Variants in EFNA5 observed in about 807,000 individuals in gnomAD.
The protein encoded by EFNA5 is ephrin A5, also known as ephrin-A5.
A neutral mutation model predicts 22.9 loss-of-function variants in EFNA5; 5 were observed. That is an observed-to-expected ratio of 0.22 (90% confidence interval 0.11 to 0.46). EFNA5 has a LOEUF of 0.46. EFNA5 is among the 20% of genes least tolerant of loss of function. The probability of loss-of-function intolerance (pLI) is 0.99; values close to 1 mark genes in which losing one functional copy is unlikely to be tolerated. For synonymous variants in EFNA5, 113 were observed against 112.2 expected (o/e 1.01, Z -0.04); for missense variants, 237 against 293.3 (o/e 0.81, Z 1.40).
intron 1 of EFNA5, among the ~76,000 whole-genome samples, chr5:107,475,014 G>A (rs1750244048): frequency 6.6e-6 from 1 of 152,186 alleles, no homozygotes; most frequent in Non-Finnish European, 1.5e-5. Context: ...TCCACAATAT[G>A]ACTGTGCTTT....
chr5:107,586,366 G>T (rs1369944702), intron 1 of EFNA5, among the ~76,000 whole-genome samples: 1 of 151,882 alleles, frequency 6.6e-6, no homozygotes, highest in Non-Finnish European at 1.5e-5. Flanking sequence ...CCCTAACTAG[G>T]GCTATTGAGT....
intron 1 of EFNA5, among the ~76,000 whole-genome samples, chr5:107,450,484 A>C (rs1749530973): frequency 6.6e-6 from 1 of 152,220 alleles, no homozygotes; most frequent in Non-Finnish European, 1.5e-5. Flanking sequence ...GCATGTGCAA[A>C]GCACTAATTC....
At chr5:107,424,876 A>T (rs1365384555) in intron 2 of EFNA5, among the ~76,000 whole-genome samples, 1 of 152,198 alleles carries the variant, frequency 6.6e-6, no homozygotes, top group African/African-American at 2.4e-5. Context: ...TACTAAAAAG[A>T]CAGGGAAGGA....
intron 1 of EFNA5, among the ~76,000 whole-genome samples, chr5:107,563,406 TTTTTA>T (rs1054344715): frequency 7.2e-5 from 11 of 152,132 alleles, no homozygotes; most frequent in African/African-American, 1.4e-4. Context: ...ACCTACTTTC[TTTTTA>T]TTTTATTTTT....
At chr5:107,396,947 T>C (rs1245680341) in intron 2 of EFNA5, among the ~76,000 whole-genome samples, 1 of 152,156 alleles carries the variant, frequency 6.6e-6, no homozygotes, top group Non-Finnish European at 1.5e-5. Context: ...GAGACTGCTT[T>C]TGCAACTGTA....
At chr5:107,654,124 A>G (rs1320312519) in intron 1 of EFNA5, among the ~76,000 whole-genome samples, 1 of 151,982 alleles carries the variant, frequency 6.6e-6, no homozygotes, top group African/African-American at 2.4e-5. Flanking sequence ...AGTGACTAGG[A>G]AAAAAAAGTC....
intron 1 of EFNA5, among the ~76,000 whole-genome samples, chr5:107,453,796 G>A (rs1749620851): frequency 6.6e-6 from 1 of 152,184 alleles, no homozygotes; most frequent in Non-Finnish European, 1.5e-5. Flanking sequence ...TGATTCAAGA[G>A]TGCTCAAGGC....
At chr5:107,631,085 C>T (rs549059860) in intron 1 of EFNA5, among the ~76,000 whole-genome samples, 1 of 152,114 alleles carries the variant, frequency 6.6e-6, no homozygotes, top group Non-Finnish European at 1.5e-5. Context: ...TTGCAGTTAA[C>T]TTTTTTTATA....
chr5:107,388,654 C>T (rs1159304062), intron 2 of EFNA5: 3 of 152,166 alleles, frequency 2.0e-5, no homozygotes, highest in Non-Finnish European at 4.4e-5. Flanking sequence ...AGGCCCTTAA[C>T]AACCACATGT....
Position 107,449,379 on chromosome 5 carries a change from A to AC in EFNA5, c.126-21871_126-21870insG, listed in dbSNP as rs543425597. Among the ~76,000 whole-genome samples the AC allele has an allele frequency of 2.4e-4, 36 of 152,132 alleles. No homozygotes were observed. In the East Asian group the frequency reaches 5.6e-3, roughly 24 times the overall value. ...ATATGGCTAAAACCATAAAAAAAAA[A>AC]AAATAAGGATTCTACTCTTCCCTGA... On this transcript the variant is annotated intron_variant, in intron 1 of 4. Coordinates refer to ENST00000333274, the MANE Select transcript of EFNA5 (RefSeq NM_001962.3).
chr5:107,643,122 T>C (rs183035194), intron 1 of EFNA5, among the ~76,000 whole-genome samples: 3 of 152,104 alleles, frequency 2.0e-5, no homozygotes, highest in Non-Finnish European at 4.4e-5. Flanking sequence ...ACATTTCTCT[T>C]CTAACACGGA....
chr5:107,573,995 T>C (rs1748871512), intron 1 of EFNA5, among the ~76,000 whole-genome samples: 1 of 152,226 alleles, frequency 6.6e-6, no homozygotes, highest in Non-Finnish European at 1.5e-5. Context: ...TTTTAGCTGT[T>C]CTATTACACC....
rs563897578 is a variant in EFNA5 at position 107,615,472 on chromosome 5, C to T, written c.125+55017G>A. 6.6e-5 allele frequency among the ~76,000 whole-genome samples: 10 copies of T among 152,240 alleles called. No homozygotes were observed. In the South Asian group the frequency reaches 1.7e-3, roughly 25 times the overall value. The stretch of plus-strand genomic sequence containing the variant: ...TCCCTATTTTCAGTTAAAATGCGCA[C>T]TTACAGTTTTGGATTTAACACCCCT... On this transcript the variant is annotated intron_variant, in intron 1 of 4. Coordinates refer to ENST00000333274, the MANE Select transcript of EFNA5 (RefSeq NM_001962.3).
intron 1 of EFNA5, among the ~76,000 whole-genome samples, chr5:107,552,038 C>T (rs1225723090): frequency 1.3e-5 from 2 of 151,926 alleles, no homozygotes; most frequent in Non-Finnish European, 2.9e-5. Context: ...TATTGAGACT[C>T]AAGTTTTTTT....
At chr5:107,617,233 C>CAG (rs1281823984) in intron 1 of EFNA5, among the ~76,000 whole-genome samples, 2 of 149,298 alleles carry the variant, frequency 1.3e-5, no homozygotes, top group East Asian at 3.9e-4. Context: ...CACACACACA[C>CAG]ACACAGAGAG....
intron 1 of EFNA5, among the ~76,000 whole-genome samples, chr5:107,561,052 T>A (rs893790989): frequency 2.6e-5 from 4 of 152,208 alleles, no homozygotes; most frequent in Admixed American, 2.0e-4. Context: ...AGCAGACAGA[T>A]GCTGTATAAG....
intron 1 of EFNA5, among the ~76,000 whole-genome samples, chr5:107,495,346 C>T (rs1481728388): frequency 6.6e-6 from 1 of 152,058 alleles, no homozygotes; most frequent in Non-Finnish European, 1.5e-5. Flanking sequence ...AGCTTCACTC[C>T]TGAGCTAGCG....
chr5:107,542,021 A>G (rs1179091316), intron 1 of EFNA5, among the ~76,000 whole-genome samples: 10 of 152,346 alleles, frequency 6.6e-5, no homozygotes, highest in East Asian at 1.9e-4. Flanking sequence ...AAAAAATTTA[A>G]CACTGAAAAT....
intron 1 of EFNA5, among the ~76,000 whole-genome samples, chr5:107,491,341 C>G (rs996900517): frequency 1.3e-5 from 2 of 152,102 alleles, no homozygotes; most frequent in Admixed American, 1.3e-4. Flanking sequence ...CATGGAGTTC[C>G]GCTCTTGTTG....
Sources: gnomAD v4.1 joint callset for allele counts (sites outside exome capture counted in the v4.1 genomes callset) on GRCh38, gnomAD v4.1.1 for gene constraint, MANE v1.5 for transcripts, NCBI Gene and HGNC (gene_info 2026-07-23, HGNC 2026-07-21) for gene names.